Variants in CCDC148 observed in about 807,000 individuals in gnomAD.
The protein encoded by CCDC148 is coiled-coil domain containing 148.
Under a neutral mutation model 85.7 loss-of-function variants are expected in CCDC148, and 89 were observed. The ratio of observed to expected loss-of-function variants is 1.04; its 90% CI spans 0.87 to 1.24. CCDC148 has a LOEUF of 1.24. Among genes scored for constraint, CCDC148 ranks in the 50% most tolerant of loss-of-function variants. The pLI, the probability that CCDC148 is intolerant of heterozygous loss-of-function variation, is 0.00. For synonymous variants in CCDC148, 230 were observed against 213.9 expected (o/e 1.08, Z -0.66); for missense variants, 692 against 671.7 (o/e 1.03, Z -0.33).
chr2:158,342,061 G>C (rs1156291475), intron 3 of CCDC148, among the ~76,000 whole-genome samples: 1 of 107,448 alleles, frequency 9.3e-6, no homozygotes, highest in Non-Finnish European at 1.7e-5. Flanking sequence ...AAGGAGTCTT[G>C]CTGGGTCGCC....
chr2:158,202,463 T>C (rs542508338), intron 11 of CCDC148, among the ~76,000 whole-genome samples: 1 of 152,334 alleles, frequency 6.6e-6, no homozygotes, highest in Non-Finnish European at 1.5e-5. Flanking sequence ...AGAACCCAAG[T>C]ATGTAAGAAT....
chr2:158,181,447 G>A (rs371165132), intron 11 of CCDC148, among the ~76,000 whole-genome samples: 4 of 152,202 alleles, frequency 2.6e-5, no homozygotes, highest in Middle Eastern at 6.8e-3. Flanking sequence ...TCCTGTCCTC[G>A]AAGAACTGAC....
intron 7 of CCDC148, among the ~76,000 whole-genome samples, chr2:158,337,641 A>G (rs957666422): frequency 6.6e-6 from 1 of 152,180 alleles, no homozygotes; most frequent in Admixed American, 6.5e-5. Flanking sequence ...GGCTATCAGG[A>G]GACCAAAAGG....
At chr2:158,433,091 A>AAAAAAAAAAAAAAAAAAAAAAATAT (rs1553521585) in intron 1 of CCDC148, among the ~76,000 whole-genome samples, 1 of 51,314 alleles carries the variant, frequency 1.9e-5, no homozygotes, top group African/African-American at 5.5e-5. Flanking sequence ...AAAAAAAAAA[A>AAAAAAAAAAAAAAAAAAAAAAATAT]ATATATATAT....
intron 11 of CCDC148, among the ~76,000 whole-genome samples, chr2:158,206,528 G>A (rs1207399575): frequency 1.3e-5 from 2 of 152,180 alleles, no homozygotes; most frequent in East Asian, 3.9e-4. Flanking sequence ...GATGGAGGAG[G>A]GAAATTTACC....
intron 9 of CCDC148, among the ~76,000 whole-genome samples, chr2:158,278,466 G>T (rs558105677): frequency 1.3e-5 from 2 of 152,320 alleles, no homozygotes; most frequent in East Asian, 3.9e-4. Context: ...GGCGCACCAG[G>T]AGATTATATC....
chr2:158,369,666 T>C (rs894589569), intron 1 of CCDC148, among the ~76,000 whole-genome samples: 1 of 152,162 alleles, frequency 6.6e-6, no homozygotes, highest in Non-Finnish European at 1.5e-5. Context: ...CTTCATATAT[T>C]TCTCATGCCT....
At chr2:158,247,772 C>T (rs966962836) in intron 10 of CCDC148, among the ~76,000 whole-genome samples, 2 of 152,132 alleles carry the variant, frequency 1.3e-5, no homozygotes, top group Non-Finnish European at 2.9e-5. Context: ...AAGAGAATCA[C>T]TTGAACCCTG....
chr2:158,254,546 T>G (rs1054232961), intron 9 of CCDC148, among the ~76,000 whole-genome samples: 1 of 151,594 alleles, frequency 6.6e-6, no homozygotes, highest in African/African-American at 2.4e-5. Flanking sequence ...AAAAACAAAA[T>G]AAACTGTAAA....
chr2:158,379,198 GT>G (rs1465599243), intron 1 of CCDC148, among the ~76,000 whole-genome samples: 1 of 152,116 alleles, frequency 6.6e-6, no homozygotes, highest in African/African-American at 2.4e-5. Flanking sequence ...TCCAACCCTT[GT>G]AAATAACTTT....
chr2:158,240,072 G>A (rs1688282797), intron 10 of CCDC148, among the ~76,000 whole-genome samples: 1 of 151,802 alleles, frequency 6.6e-6, no homozygotes. Flanking sequence ...CAGCCAAGTG[G>A]GGACACTTCA....
intron 1 of CCDC148, among the ~76,000 whole-genome samples, chr2:158,370,442 A>G (rs1369028262): frequency 3.9e-5 from 6 of 152,088 alleles, no homozygotes; most frequent in African/African-American, 1.4e-4. Context: ...CTTGTATTAT[A>G]ATGAAAGATT....
At chr2:158,404,910 T>A (rs1685935481) in intron 1 of CCDC148, among the ~76,000 whole-genome samples, 1 of 152,160 alleles carries the variant, frequency 6.6e-6, no homozygotes, top group African/African-American at 2.4e-5. Context: ...CCTGTTAATT[T>A]TGATAACTTT....
chr2:158,297,879 T>G (rs1284860158), intron 9 of CCDC148, among the ~76,000 whole-genome samples: 1 of 152,228 alleles, frequency 6.6e-6, no homozygotes. Flanking sequence ...CATGTCTGTC[T>G]CTTCATATAA....
At chr2:158,240,473 C>T (rs1688308570) in intron 10 of CCDC148, among the ~76,000 whole-genome samples, 1 of 151,454 alleles carries the variant, frequency 6.6e-6, no homozygotes, top group South Asian at 2.1e-4. Context: ...CACACACACA[C>T]ACACACACAC....
At chr2:158,397,490 A>C (rs541421981) in intron 1 of CCDC148, among the ~76,000 whole-genome samples, 1 of 152,178 alleles carries the variant, frequency 6.6e-6, no homozygotes, top group Non-Finnish European at 1.5e-5. Flanking sequence ...CCTTAAAGAA[A>C]AGAATTTTCA....
At chr2:158,276,780 T>C (rs1029090666) in intron 9 of CCDC148, among the ~76,000 whole-genome samples, 3 of 152,248 alleles carry the variant, frequency 2.0e-5, no homozygotes, top group African/African-American at 4.8e-5. Context: ...CAGATAATTA[T>C]GGTGCTGAAA....
At chr2:158,262,170 AC>A (rs781700223) in intron 9 of CCDC148, among the ~76,000 whole-genome samples, 3 of 152,146 alleles carry the variant, frequency 2.0e-5, no homozygotes, top group Non-Finnish European at 2.9e-5. Context: ...ACCATCGAAT[AC>A]TATGCAGCCA....
intron 11 of CCDC148, among the ~76,000 whole-genome samples, chr2:158,211,354 T>C (rs1377941461): frequency 6.6e-6 from 1 of 152,210 alleles, no homozygotes; most frequent in Non-Finnish European, 1.5e-5. Context: ...AATTACAGCA[T>C]CTGTGGTCAA....
Sources: allele counts gnomAD v4.1 joint callset (sites outside exome capture counted in the v4.1 genomes callset), GRCh38; gene constraint gnomAD v4.1.1; transcripts MANE v1.5; gene names NCBI Gene and HGNC (gene_info 2026-07-23, HGNC 2026-07-21).